MIPOL1: variants seen among roughly 807,000 people sequenced by gnomAD.
MIPOL1 encodes the protein mirror-image polydactyly 1.
A neutral mutation model predicts 60.9 loss-of-function variants in MIPOL1; 57 were observed. The observed-to-expected ratio is 0.94, with a 90% confidence interval of 0.76 to 1.17. The LOEUF (loss-of-function observed/expected upper bound fraction) is 1.17. Among genes scored for constraint, MIPOL1 ranks in the 50% most tolerant of loss-of-function variants. The pLI is 0.00. For missense variants in MIPOL1, 551 were observed against 511.6 expected, an observed-to-expected ratio of 1.08 and a Z score of -0.74; for synonymous variants, 179 against 168.8, an observed-to-expected ratio of 1.06 and a Z score of -0.47.
chr14:37,497,401 T>G (rs1594735423), intron 11 of MIPOL1, among the ~76,000 whole-genome samples: 1 of 152,314 alleles, frequency 6.6e-6, no homozygotes, highest in African/African-American at 2.4e-5. Context: ...TCTCACTGAG[T>G]TTTAAATTAG....
chr14:37,431,311 T>C (rs1369997405), intron 11 of MIPOL1, among the ~76,000 whole-genome samples: 2 of 152,120 alleles, frequency 1.3e-5, no homozygotes, highest in Non-Finnish European at 2.9e-5. Context: ...TTTTGCTAGA[T>C]TTTTCCTTGC....
intron 11 of MIPOL1, among the ~76,000 whole-genome samples, chr14:37,439,671 T>C (rs2094212853): frequency 6.6e-6 from 1 of 152,106 alleles, no homozygotes; most frequent in Non-Finnish European, 1.5e-5. Flanking sequence ...GTCAATCAAA[T>C]TTCATCCACA....
At chr14:37,206,171 A>T (rs1966059195) in intron 1 of MIPOL1, among the ~76,000 whole-genome samples, 1 of 152,140 alleles carries the variant, frequency 6.6e-6, no homozygotes. Context: ...CCAAAGGCCT[A>T]GGAGGAAAAA....
intron 12 of MIPOL1, among the ~76,000 whole-genome samples, chr14:37,523,212 G>A (rs2095425410): frequency 6.6e-6 from 1 of 152,022 alleles, no homozygotes; most frequent in Non-Finnish European, 1.5e-5. Flanking sequence ...CCATCTGTCT[G>A]CCTAATTATT....
chr14:37,239,839 A>G (rs1269696245), intron 1 of MIPOL1, among the ~76,000 whole-genome samples: 1 of 152,196 alleles, frequency 6.6e-6, no homozygotes, highest in Non-Finnish European at 1.5e-5. Context: ...AGAAATTGGA[A>G]CTATAAGTCT....
chr14:37,489,111 T>C (rs1489412353), intron 11 of MIPOL1, among the ~76,000 whole-genome samples: 1 of 152,128 alleles, frequency 6.6e-6, no homozygotes, highest in African/African-American at 2.4e-5. Flanking sequence ...AAGTAGATTT[T>C]GTCTTTTCAC....
At chr14:37,439,341 C>T (rs1212217334) in intron 11 of MIPOL1, among the ~76,000 whole-genome samples, 1 of 151,938 alleles carries the variant, frequency 6.6e-6, no homozygotes, top group African/African-American at 2.4e-5. Flanking sequence ...ACAGAATAAG[C>T]AAAAGTGGAG....
At chr14:37,280,209 T>C (rs1378513420) in intron 6 of MIPOL1, among the ~76,000 whole-genome samples, 1 of 152,148 alleles carries the variant, frequency 6.6e-6, no homozygotes, top group African/African-American at 2.4e-5. Flanking sequence ...TTAAAAAAAC[T>C]CATTTATCTA....
intron 5 of MIPOL1, among the ~76,000 whole-genome samples, chr14:37,270,210 T>C (rs1734738129): frequency 6.6e-6 from 1 of 152,166 alleles, no homozygotes; most frequent in Non-Finnish European, 1.5e-5. Context: ...AAATTAAGTG[T>C]ATATTGGGAT....
intron 7 of MIPOL1, among the ~76,000 whole-genome samples, chr14:37,296,391 A>C (rs1195673808): frequency 6.6e-6 from 1 of 152,218 alleles, no homozygotes; most frequent in Non-Finnish European, 1.5e-5. Context: ...CACAATTAAA[A>C]GAACTAGAGA....
At chr14:37,546,189 T>C (rs1359145464) in intron 12 of MIPOL1, 1 of 152,332 alleles carries the variant, frequency 6.6e-6, no homozygotes, top group Non-Finnish European at 1.5e-5. Flanking sequence ...TTCAATTTAA[T>C]TGACTAGTTT....
At chr14:37,233,302 A>G (rs1970916085) in intron 1 of MIPOL1, among the ~76,000 whole-genome samples, 1 of 152,240 alleles carries the variant, frequency 6.6e-6, no homozygotes. Context: ...GGCCCCAAGA[A>G]GAAGTCAGTT....
At chr14:37,472,460 G>A (rs933945763) in intron 11 of MIPOL1, among the ~76,000 whole-genome samples, 1 of 151,978 alleles carries the variant, frequency 6.6e-6, no homozygotes, top group Non-Finnish European at 1.5e-5. Flanking sequence ...AGTGTGCAGA[G>A]CACCTCAAAA....
chr14:37,550,513 T>TATATATATATATATATATATATATAC lies in MIPOL1; in HGVS notation c.*3543_*3544insTATATATATATATATATATATATACA, dbSNP rs1220895783. The TATATATATATATATATATATATATAC allele has an allele frequency of 4.1e-5, 6 of 146,378 alleles. No individual in the cohort carries two copies. Among genetic ancestry groups the TATATATATATATATATATATATATAC allele is most frequent in the African/African-American group, 1.5e-4 (6 of 39,434 alleles). 9.1% of individuals were successfully genotyped at this position (146,378 alleles called of 1,614,324 possible). On this transcript the variant is annotated 3_prime_UTR_variant, in exon 13 of 13. Transcript: ENST00000684589. ...TATTTTACATATATATATATATATA[T>TATATATATATATATATATATATATAC]ACATGCACACACACCGATACATTTA...
intron 12 of MIPOL1, among the ~76,000 whole-genome samples, chr14:37,538,941 A>G (rs919650212): frequency 2.6e-5 from 4 of 151,960 alleles, no homozygotes; most frequent in Admixed American, 2.0e-4. Context: ...GGTGGCTCAC[A>G]CCTGTAATCC....
rs1169304541 is a variant in MIPOL1, at chr14:37,426,513, A to G, written c.1031+3564A>G. On this transcript the variant is annotated intron_variant, in intron 11 of 12. Coordinates refer to ENST00000684589, the MANE Select transcript of MIPOL1 (RefSeq NM_001388067.1). The stretch of plus-strand genomic sequence containing the variant: ...GAGGTGGAGGTTGCAGTGAGCCAAG[A>G]TTGCACCATTGCACTCCAGCCTGGG... Among the ~76,000 whole-genome samples the G allele has an allele frequency of 2.0e-5, 3 of 147,064 alleles. No individual in the cohort carries two copies. The East Asian group carries it at 6.1e-4, about 30-fold the overall frequency.
At chr14:37,212,344 A>G (rs773834540) in intron 1 of MIPOL1, 1 of 152,136 alleles carries the variant, frequency 6.6e-6, no homozygotes, top group Non-Finnish European at 1.5e-5. Context: ...AGAGGAGACC[A>G]CTTCCCTTAA....
chr14:37,385,237 T>C (rs2093033115), intron 10 of MIPOL1, among the ~76,000 whole-genome samples: 1 of 152,096 alleles, frequency 6.6e-6, no homozygotes, highest in Non-Finnish European at 1.5e-5. Flanking sequence ...CCACTTTTTA[T>C]CTTATGTAAT....
intron 7 of MIPOL1, among the ~76,000 whole-genome samples, chr14:37,288,079 C>T (rs140053239): frequency 5.9e-5 from 9 of 152,264 alleles, no homozygotes; most frequent in East Asian, 1.9e-4. Context: ...CTCAGATTCA[C>T]GTTGCCCTGA....
Sources: allele counts gnomAD v4.1 joint callset (sites outside exome capture counted in the v4.1 genomes callset), GRCh38; gene constraint gnomAD v4.1.1; transcripts MANE v1.5; gene names NCBI Gene and HGNC (gene_info 2026-07-23, HGNC 2026-07-21).